The following RIC8B variants were observed in gnomAD, a reference collection of about 807,000 sequenced individuals.
The protein encoded by RIC8B is chaperone Ric-8B.
Under a neutral mutation model 57.5 loss-of-function variants are expected in RIC8B, and 16 were observed. The observed-to-expected ratio is 0.28, with a 90% CI of 0.19 to 0.42. The LOEUF is 0.42. Ranked by LOEUF, RIC8B falls within the 10% of genes least tolerant of loss-of-function variation. The pLI, the probability that RIC8B is intolerant of heterozygous loss-of-function variation, is 1.00. For missense variants in RIC8B, 481 were observed against 677.0 expected (o/e 0.71, Z 3.21); for synonymous variants, 216 against 250.8 (o/e 0.86, Z 1.31).
At chr12:106,823,762 G>A (rs553300723) in intron 3 of RIC8B, among the ~76,000 whole-genome samples, 1 of 150,262 alleles carries the variant, frequency 6.7e-6, no homozygotes, top group Admixed American at 6.7e-5. Context: ...TCGGCTCACT[G>A]CAACCTCCGC....
At chr12:106,811,585 TAGTGGC>T (rs991771211) in intron 2 of RIC8B, among the ~76,000 whole-genome samples, 1 of 152,168 alleles carries the variant, frequency 6.6e-6, no homozygotes, top group African/African-American at 2.4e-5. Context: ...TGGGTAGATG[TAGTGGC>T]AGGGCATACC....
chr12:106,870,742 A>G (rs1396887318), intron 8 of RIC8B, 81 bp from the exon 9 acceptor site: 11 of 1,155,030 alleles, frequency 9.5e-6, no homozygotes, highest in Non-Finnish European at 1.3e-5. Flanking sequence ...CTTTCTTATT[A>G]TCACTTAAAA....
At chr12:106,866,571 CT>C (rs1298274096) in intron 8 of RIC8B, among the ~76,000 whole-genome samples, 38 of 152,124 alleles carry the variant, frequency 2.5e-4, no homozygotes, top group Non-Finnish European at 4.9e-4. Context: ...CCTAAAAACC[CT>C]GATCCCTTTC....
chr12:106,823,551 T>G (rs962924573), intron 3 of RIC8B: 11 of 409,940 alleles, frequency 2.7e-5, no homozygotes, highest in African/African-American at 2.3e-4. Flanking sequence ...AAGATTATTA[T>G]ATCTAAAATA....
intron 1 of RIC8B, 45 bp downstream of exon 1, chr12:106,774,874 C>T: frequency 6.9e-7 from 1 of 1,440,758 alleles, no homozygotes; most frequent in Non-Finnish European, 9.4e-7. Flanking sequence ...ACCCCCGGGC[C>T]GCCCTCCGTG....
At chr12:106,858,798 C>A (rs1354718856) in intron 7 of RIC8B, among the ~76,000 whole-genome samples, 2 of 152,070 alleles carry the variant, frequency 1.3e-5, no homozygotes, top group African/African-American at 4.8e-5. Flanking sequence ...GTAGGGCTTC[C>A]TTTCATTTAT....
intron 9 of RIC8B, among the ~76,000 whole-genome samples, chr12:106,884,710 T>TA (rs1241572479): frequency 6.6e-6 from 1 of 152,204 alleles, no homozygotes; most frequent in East Asian, 1.9e-4. Flanking sequence ...GAGCTCTTCA[T>TA]TAGGCTCCTG....
intron 2 of RIC8B, among the ~76,000 whole-genome samples, chr12:106,790,360 G>T (rs748254719): frequency 1.3e-5 from 2 of 152,200 alleles, no homozygotes; most frequent in Non-Finnish European, 2.9e-5. Flanking sequence ...AAGGAAATTA[G>T]CAACTAGAAG....
chr12:106,863,912 G>A (rs1950034601), intron 8 of RIC8B, among the ~76,000 whole-genome samples: 2 of 152,140 alleles, frequency 1.3e-5, no homozygotes, highest in Middle Eastern at 3.4e-3. Flanking sequence ...GGCATTTTGA[G>A]GTCTTTTTTG....
intron 3 of RIC8B, among the ~76,000 whole-genome samples, chr12:106,824,885 C>A (rs1006920567): frequency 6.6e-6 from 1 of 151,016 alleles, no homozygotes. Context: ...CCAGCCTAGG[C>A]GACAAGAGCA....
chr12:106,865,959 T>C (rs1950121462), intron 8 of RIC8B, among the ~76,000 whole-genome samples: 1 of 152,170 alleles, frequency 6.6e-6, no homozygotes, highest in Non-Finnish European at 1.5e-5. Context: ...ATCGCTCTCA[T>C]TCCCTCACCA....
chr12:106,831,941 C>G (rs1442176604), intron 4 of RIC8B, among the ~76,000 whole-genome samples: 1 of 152,190 alleles, frequency 6.6e-6, no homozygotes, highest in African/African-American at 2.4e-5. Flanking sequence ...CCTACCATTC[C>G]ACAATCTGCA....
At chr12:106,811,447 A>C (rs747910436) in intron 2 of RIC8B, among the ~76,000 whole-genome samples, 9 of 152,248 alleles carry the variant, frequency 5.9e-5, no homozygotes, top group Non-Finnish European at 1.3e-4. Context: ...GATGAGGTGC[A>C]ACAGTCTGTT....
chr12:106,781,201 C>A (rs766508255), intron 1 of RIC8B, among the ~76,000 whole-genome samples: 2 of 152,146 alleles, frequency 1.3e-5, no homozygotes, highest in South Asian at 4.1e-4. Flanking sequence ...CTGTCCACCT[C>A]AGCCCCCCAA....
chr12:106,806,314 T>C (rs1185617729), intron 2 of RIC8B, among the ~76,000 whole-genome samples: 1 of 152,210 alleles, frequency 6.6e-6, no homozygotes, highest in Non-Finnish European at 1.5e-5. Flanking sequence ...ATTTGATCTT[T>C]CATCTGCATT....
intron 1 of RIC8B, among the ~76,000 whole-genome samples, chr12:106,777,969 T>C (rs1362402089): frequency 6.6e-6 from 1 of 152,194 alleles, no homozygotes; most frequent in African/African-American, 2.4e-5. Context: ...GTTACTTAAC[T>C]TTGCTGTGGC....
chr12:106,774,745 C>A lies in RIC8B; in HGVS notation c.-1C>A. Reference sequence around the variant, plus strand: ...GCCGCGGCTCCCCCGCACCTGCGGCCATGGATGAGGAGCGCGCCCTCTACA... The same window carrying A: ...GCCGCGGCTCCCCCGCACCTGCGGCAATGGATGAGGAGCGCGCCCTCTACA... On this transcript the variant is annotated 5_prime_UTR_variant, in exon 1 of 10. Coordinates refer to ENST00000392837, the MANE Select transcript of RIC8B (RefSeq NM_001330145.2). 2 of 1,549,544 alleles carry A rather than the reference C, an allele frequency of 1.3e-6. No homozygotes were observed. The highest frequency in any genetic ancestry group is 1.7e-4 in the Middle Eastern group (1 of 5,886).
intron 8 of RIC8B, among the ~76,000 whole-genome samples, chr12:106,870,227 G>A (rs1950342480): frequency 1.3e-5 from 2 of 152,026 alleles, no homozygotes; most frequent in Admixed American, 6.5e-5. Flanking sequence ...CTCTTGGTAG[G>A]CTAGATTTCA....
intron 2 of RIC8B, among the ~76,000 whole-genome samples, chr12:106,788,401 G>C (rs1372947415): frequency 1.3e-5 from 2 of 152,152 alleles, no homozygotes; most frequent in African/African-American, 2.4e-5. Context: ...TCTTCTCACA[G>C]CTCTACTAGG....
Sources: gnomAD v4.1 joint callset for allele counts (sites outside exome capture counted in the v4.1 genomes callset) on GRCh38, gnomAD v4.1.1 for gene constraint, MANE v1.5 for transcripts, NCBI Gene and HGNC (gene_info 2026-07-23, HGNC 2026-07-21) for gene names.